The following HGF variants were observed in gnomAD, a reference collection of about 807,000 sequenced individuals.
The protein encoded by HGF is hepatocyte growth factor.
In HGF, 39 loss-of-function variants were observed where a neutral mutation model predicts 111.6. That is an observed-to-expected ratio of 0.35 (90% confidence interval 0.27 to 0.46). The LOEUF (loss-of-function observed/expected upper bound fraction) is 0.46. Among genes scored for constraint, HGF ranks in the 20% least tolerant of loss-of-function variants. The pLI is 1.00. For missense variants in HGF, 735 were observed against 910.5 expected (o/e 0.81, Z 2.48); for synonymous variants, 285 against 294.8 (o/e 0.97, Z 0.34).
At chr7:81,751,687 C>T (rs1451720878) in intron 5 of HGF, 2 of 1,028,396 alleles carry the variant, frequency 1.9e-6, no homozygotes, top group African/African-American at 1.7e-5. Flanking sequence ...TCCATATACC[C>T]TTGTCACACC....
intron 9 of HGF, among the ~76,000 whole-genome samples, chr7:81,724,322 TG>T (rs1789950324): frequency 6.6e-6 from 1 of 152,134 alleles, no homozygotes; most frequent in African/African-American, 2.4e-5. Flanking sequence ...TCGTGAAGAA[TG>T]ACACTGTGGA....
At chr7:81,742,739 G>A in intron 7 of HGF, 2 of 1,472,746 alleles carry the variant, frequency 1.4e-6, no homozygotes, top group South Asian at 1.4e-5. Flanking sequence ...CTAGGTAAGG[G>A]CCAGCATGTA....
chr7:81,726,738 T>C (rs1167300143), intron 8 of HGF, among the ~76,000 whole-genome samples: 3 of 152,012 alleles, frequency 2.0e-5, no homozygotes, highest in South Asian at 2.1e-4. Flanking sequence ...TAATTAGAAA[T>C]TTAGAGTTCC....
intron 8 of HGF, among the ~76,000 whole-genome samples, chr7:81,728,198 G>A (rs138642485): frequency 1.5e-4 from 23 of 152,198 alleles, no homozygotes; most frequent in Non-Finnish European, 2.9e-4. Context: ...TTATAACACC[G>A]CACAAGCTTT....
intron 14 of HGF, 79 bp from the exon 15 acceptor site, chr7:81,706,506 T>G: frequency 8.3e-7 from 1 of 1,203,160 alleles, no homozygotes; most frequent in Non-Finnish European, 1.2e-6. Context: ...TATTGTTATT[T>G]TAGACTATTA....
intron 4 of HGF, chr7:81,756,079 A>G (rs1455278333): frequency 2.9e-6 from 2 of 701,348 alleles, no homozygotes; most frequent in Non-Finnish European, 2.6e-6. Context: ...AAAACAAATC[A>G]CAGCATGGGT....
At chr7:81,714,784 T>C (rs892367793) in intron 11 of HGF, among the ~76,000 whole-genome samples, 2 of 152,090 alleles carry the variant, frequency 1.3e-5, no homozygotes, top group African/African-American at 4.8e-5. Context: ...TCTGCAGTTA[T>C]ATAAATAATA....
intron 7 of HGF, among the ~76,000 whole-genome samples, chr7:81,734,475 G>A (rs970512260): frequency 2.6e-5 from 4 of 152,098 alleles, no homozygotes; most frequent in Non-Finnish European, 4.4e-5. Context: ...CACTTTGCTG[G>A]TGTGGTTGTG....
chr7:81,725,793 G>T, intron 9 of HGF, 97 bp downstream of exon 9: 2 of 1,354,550 alleles, frequency 1.5e-6, no homozygotes, highest in Non-Finnish European at 2.1e-6. Context: ...CAAAACCAGT[G>T]CAGCAAGAAG....
chr7:81,715,484 C>CTATGA (rs1789686362), intron 11 of HGF, among the ~76,000 whole-genome samples: 1 of 151,926 alleles, frequency 6.6e-6, no homozygotes, highest in Non-Finnish European at 1.5e-5. Context: ...ATTTGAAAGG[C>CTATGA]TATGATCATG....
intron 7 of HGF, chr7:81,742,769 T>C (rs781670329): frequency 4.0e-6 from 6 of 1,511,462 alleles, no homozygotes; most frequent in Admixed American, 2.1e-5. Flanking sequence ...TTGTATGGAC[T>C]GCTAAAAGAC....
intron 7 of HGF, among the ~76,000 whole-genome samples, chr7:81,732,848 A>G (rs1787710832): frequency 1.3e-5 from 2 of 152,176 alleles, no homozygotes; most frequent in African/African-American, 4.8e-5. Context: ...AAAGATCTAT[A>G]TTACCAAAAC....
chr7:81,744,381 T>A (rs1788142311), intron 6 of HGF, among the ~76,000 whole-genome samples: 1 of 151,950 alleles, frequency 6.6e-6, no homozygotes, highest in African/African-American at 2.4e-5. Flanking sequence ...ATAGATTAGT[T>A]GCCTGACTTC....
At chr7:81,711,008 G>T (rs1787772966) in intron 12 of HGF, among the ~76,000 whole-genome samples, 1 of 152,136 alleles carries the variant, frequency 6.6e-6, no homozygotes. Flanking sequence ...TTAAACTGAG[G>T]ATTAACTGAA....
At chr7:81,753,526 A>G (rs1029672563) in intron 4 of HGF, among the ~76,000 whole-genome samples, 3 of 151,890 alleles carry the variant, frequency 2.0e-5, no homozygotes, top group Non-Finnish European at 4.4e-5. Flanking sequence ...ATAAACCATC[A>G]TTTTTCATGT....
intron 17 of HGF, among the ~76,000 whole-genome samples, chr7:81,704,552 A>T (rs1221073779): frequency 6.6e-6 from 1 of 151,804 alleles, no homozygotes; most frequent in Non-Finnish European, 1.5e-5. Context: ...AACTCAGTAA[A>T]CAGTAAACAT....
chr7:81,763,637 G>C (rs1789211799), intron 1 of HGF, among the ~76,000 whole-genome samples: 1 of 152,050 alleles, frequency 6.6e-6, no homozygotes, highest in South Asian at 2.1e-4. Context: ...TAATCTTATG[G>C]ATAACTTTAG....
At chr7:81,715,827 T>C (rs1382055887) in intron 11 of HGF, among the ~76,000 whole-genome samples, 4 of 152,198 alleles carry the variant, frequency 2.6e-5, no homozygotes, top group Non-Finnish European at 5.9e-5. Flanking sequence ...TTAGAGTAGA[T>C]ATTTTTGCTG....
Position 81,721,078 on chromosome 7 carries a change from T to C in HGF, c.1169-231A>G, listed in dbSNP as rs536461799. Among the ~76,000 whole-genome samples the C allele has an allele frequency of 2.0e-5, 3 of 152,178 alleles. No individual in the cohort carries two copies. The East Asian group carries it at 5.8e-4, about 29-fold the overall frequency. On this transcript the variant is annotated intron_variant, in intron 9 of 17. Transcript: ENST00000222390. ...GGCTAACACGGTGAAACCCTGTCTCTACTTTAAAAATACAAAAAATTAGCC... is the reference window on the plus strand; with the variant it reads ...GGCTAACACGGTGAAACCCTGTCTCCACTTTAAAAATACAAAAAATTAGCC...
Sources: allele counts gnomAD v4.1 joint callset (sites outside exome capture counted in the v4.1 genomes callset), GRCh38; gene constraint gnomAD v4.1.1; transcripts MANE v1.5; gene names NCBI Gene and HGNC (gene_info 2026-07-23, HGNC 2026-07-21).